The following PRKG1 variants were observed in gnomAD, a reference collection of about 807,000 sequenced individuals.
PRKG1 encodes cGMP-dependent protein kinase 1.
A neutral mutation model predicts 88.1 loss-of-function variants in PRKG1; 35 were observed. The ratio of observed to expected loss-of-function variants is 0.40; its 90% CI spans 0.30 to 0.53. The LOEUF (loss-of-function observed/expected upper bound fraction) is 0.53, where lower values mean the gene tolerates loss of function less well. Ranked by LOEUF, PRKG1 falls within the 20% of genes least tolerant of loss-of-function variation. The pLI is 0.59. For missense variants in PRKG1, 540 were observed against 839.8 expected (o/e 0.64, Z 4.41); for synonymous variants, 303 against 292.5 (o/e 1.04, Z -0.37).
intron 9 of PRKG1, among the ~76,000 whole-genome samples, chr10:52,228,102 C>T (rs779551023): frequency 6.6e-6 from 1 of 151,922 alleles, no homozygotes; most frequent in Non-Finnish European, 1.5e-5. Context: ...ATTTGAAGGT[C>T]GAGTGTGGGT....
At chr10:51,850,841 A>T (rs1361336119) in intron 4 of PRKG1, among the ~76,000 whole-genome samples, 1 of 152,198 alleles carries the variant, frequency 6.6e-6, no homozygotes, top group East Asian at 1.9e-4. Flanking sequence ...ACTCTTTGAC[A>T]ATGTTGAGAG....
chr10:51,205,343 G>A (rs562703366), intron 2 of PRKG1, among the ~76,000 whole-genome samples: 5 of 150,602 alleles, frequency 3.3e-5, no homozygotes, highest in Admixed American at 2.0e-4. Context: ...CACCATCTCG[G>A]CCAGGCTGGT....
chr10:52,290,153 A>G (rs1842208275), intron 16 of PRKG1, 71 bp from the exon 17 acceptor site: 2 of 1,341,152 alleles, frequency 1.5e-6, no homozygotes, highest in South Asian at 1.2e-5. Context: ...AGCCATGGAC[A>G]TTGTATACAC....
intron 3 of PRKG1, among the ~76,000 whole-genome samples, chr10:51,746,948 G>T (rs1388544927): frequency 6.6e-6 from 1 of 151,948 alleles, no homozygotes; most frequent in Non-Finnish European, 1.5e-5. Flanking sequence ...GAACCTAAAG[G>T]GTGGCTTTTC....
rs1845688104 is a variant in PRKG1, at chr10:52,039,008, A to G, written c.763-15476A>G. On this transcript the variant is annotated intron_variant, in intron 5 of 17. Coordinates refer to ENST00000373980, the MANE Select transcript of PRKG1 (RefSeq NM_006258.4). ...GATGTTCCTTGGGCTGGTCAGTCTG[A>G]GGACCTGAGGTCGTAGGTGGATCTT... is the stretch of plus-strand genomic sequence containing the variant. Among the ~76,000 whole-genome samples the G allele has an allele frequency of 2.0e-5, 3 of 152,206 alleles. No individual in the cohort carries two copies. In the South Asian group the frequency reaches 6.2e-4, roughly 31 times the overall value.
intron 3 of PRKG1, among the ~76,000 whole-genome samples, chr10:51,550,450 T>C (rs760194323): frequency 2.0e-5 from 3 of 152,034 alleles, no homozygotes; most frequent in African/African-American, 7.2e-5. Flanking sequence ...TTCTGAGATA[T>C]GTATTTACTA....
At chr10:51,408,085 T>C (rs551095976) in intron 2 of PRKG1, among the ~76,000 whole-genome samples, 1 of 152,310 alleles carries the variant, frequency 6.6e-6, no homozygotes, top group African/African-American at 2.4e-5. Flanking sequence ...CTAGGGGTGA[T>C]GGTAAGTGGT....
At chr10:51,031,157 C>G (rs1448868250) in intron 1 of PRKG1, among the ~76,000 whole-genome samples, 1 of 151,996 alleles carries the variant, frequency 6.6e-6, no homozygotes, top group African/African-American at 2.4e-5. Context: ...TAAATTTTCC[C>G]TTTAGAATTC....
intron 4 of PRKG1, among the ~76,000 whole-genome samples, chr10:51,848,851 A>ATG (rs60810416): frequency 0.16 from 20,553 of 131,440 alleles, 2,774 homozygotes; most frequent in African/African-American, 0.36. Context: ...TTGCGTTTCT[A>ATG]TTTTTTTTTT....
chr10:52,152,029 G>A (rs1433724417), intron 8 of PRKG1, among the ~76,000 whole-genome samples: 2 of 152,012 alleles, frequency 1.3e-5, no homozygotes, highest in African/African-American at 4.8e-5. Context: ...TGCTGTATTA[G>A]GATGCTAGGC....
chr10:51,226,669 A>G (rs572381343), intron 2 of PRKG1, among the ~76,000 whole-genome samples: 4 of 152,330 alleles, frequency 2.6e-5, no homozygotes, highest in Non-Finnish European at 4.4e-5. Context: ...GTTAGTTCCT[A>G]TCTTGAATAA....
At chr10:52,206,402 T>G (rs988933362) in intron 9 of PRKG1, among the ~76,000 whole-genome samples, 12 of 152,200 alleles carry the variant, frequency 7.9e-5, no homozygotes, top group African/African-American at 2.9e-4. Context: ...CTGAATTCTA[T>G]GTCTGTCATT....
rs548253138 is a variant in PRKG1, at chr10:51,657,395, TTGGGGTCATGGAATAACTCCAA to T, written c.593-147187_593-147166del. On this transcript the variant is annotated intron_variant, in intron 3 of 17. Transcript: ENST00000373980. ...ATATAGTAAGCATGGATACAGAAAT[TTGGGGTCATGGAATAACTCCAA>T]TGACAATGTTCATTGTATGCAGGGC... Among the ~76,000 whole-genome samples the T allele has an allele frequency of 2.8e-4, 42 of 152,246 alleles. No homozygotes were observed. In the East Asian group the frequency reaches 6.4e-3, roughly 23 times the overall value.
At chr10:51,104,692 TTTTTA>T (rs1178902275) in intron 1 of PRKG1, among the ~76,000 whole-genome samples, 7 of 146,642 alleles carry the variant, frequency 4.8e-5, no homozygotes, top group African/African-American at 1.8e-4. Context: ...CTAATTTTTA[TTTTTA>T]TTTTATTTAT....
chr10:52,140,566 TG>T lies in PRKG1; in HGVS notation c.1001+6662del, dbSNP rs552248428. ...TTCTCTAGAAGTTTGCTTCAGATTTTGCATCAATTTGGTAATAGCTAACTAA... is the reference window on the plus strand; with the variant it reads ...TTCTCTAGAAGTTTGCTTCAGATTTTCATCAATTTGGTAATAGCTAACTAA... On this transcript the variant is annotated intron_variant, in intron 8 of 17. Transcript: ENST00000373980. 2.2e-3 allele frequency among the ~76,000 whole-genome samples: 333 copies of T among 152,318 alleles called. 1 individual carries two copies. The highest frequency in any genetic ancestry group is 7.7e-3 in the African/African-American group (320 of 41,570).
chr10:51,446,054 G>A (rs1476183709), intron 2 of PRKG1, among the ~76,000 whole-genome samples: 2 of 151,746 alleles, frequency 1.3e-5, no homozygotes, highest in South Asian at 2.1e-4. Context: ...TTAATCCAAC[G>A]GTCCTGAATT....
intron 2 of PRKG1, among the ~76,000 whole-genome samples, chr10:51,204,392 G>A (rs1837992768): frequency 6.6e-6 from 1 of 151,892 alleles, no homozygotes; most frequent in Non-Finnish European, 1.5e-5. Context: ...GTGTGTGTGT[G>A]TGTGTGTGTA....
intron 1 of PRKG1, among the ~76,000 whole-genome samples, chr10:51,084,783 A>T (rs866003340): frequency 2.0e-5 from 3 of 152,198 alleles, no homozygotes; most frequent in Non-Finnish European, 4.4e-5. Flanking sequence ...TGAGGTAATT[A>T]TAGTATCATC....
intron 5 of PRKG1, among the ~76,000 whole-genome samples, chr10:52,000,878 A>T (rs917592326): frequency 6.6e-6 from 1 of 152,056 alleles, no homozygotes; most frequent in Non-Finnish European, 1.5e-5. Context: ...AAAAAGTCAA[A>T]AAGTTTTAAT....
Sources: gnomAD v4.1 joint callset for allele counts (sites outside exome capture counted in the v4.1 genomes callset) on GRCh38, gnomAD v4.1.1 for gene constraint, MANE v1.5 for transcripts, NCBI Gene and HGNC (gene_info 2026-07-23, HGNC 2026-07-21) for gene names.